The following PKD2L1 variants were observed in gnomAD, a reference collection of about 807,000 sequenced individuals.
PKD2L1 encodes polycystin-2-like protein 1.
In PKD2L1, 77 loss-of-function variants were observed where a neutral mutation model predicts 93.0. That is an observed-to-expected ratio of 0.83 (90% confidence interval 0.69 to 1.00). PKD2L1 has a LOEUF of 1.00. PKD2L1 is among the 50% of genes least tolerant of loss of function. The pLI, the probability that PKD2L1 is intolerant of heterozygous loss-of-function variation, is 0.00. For missense variants in PKD2L1, 977 were observed against 990.9 expected (o/e 0.99, Z 0.19); for synonymous variants, 390 against 388.0 (o/e 1.01, Z -0.06).
chr10:100,296,093 G>A (rs773231114), intron 7 of PKD2L1, 29 bp downstream of exon 7: 1 of 1,576,636 alleles, frequency 6.3e-7, no homozygotes, highest in East Asian at 2.3e-5. Flanking sequence ...GCGCCTTGAA[G>A]CAAAGCTGGG....
chr10:100,305,043 A>G (rs982030537), intron 2 of PKD2L1, among the ~76,000 whole-genome samples: 1 of 152,174 alleles, frequency 6.6e-6, no homozygotes, highest in African/African-American at 2.4e-5. Context: ...CAACAGTGGA[A>G]AAATGAAAAA....
rs71013443 is a variant in PKD2L1 at position 100,321,904 on chromosome 10, C to CAAGGAAGGAAGGAAGGAAGG, written c.349+7287_349+7306dup. Among the ~76,000 whole-genome samples the CAAGGAAGGAAGGAAGGAAGG allele has an allele frequency of 8.4e-4, 8 of 9,480 alleles. 3 individuals are homozygous for CAAGGAAGGAAGGAAGGAAGG. The highest frequency in any genetic ancestry group is 2.5e-3 in the African/African-American group (5 of 1,982). 6.2% of individuals were successfully genotyped at this position (9,480 alleles called of 152,430 possible). A position where few individuals can be genotyped will look rare whatever the true frequency, so the allele number is the denominator to read the frequency against. ...GGAGGGAGGGAGGGAGGGAAGGAAG[C>CAAGGAAGGAAGGAAGGAAGG]AAGGAAGGAAGGAAGGAAGGAAGGA... On this transcript the variant is annotated intron_variant, in intron 2 of 15. Coordinates refer to ENST00000318222, the MANE Select transcript of PKD2L1 (RefSeq NM_016112.3).
chr10:100,296,392 G>T, intron 6 of PKD2L1, 100 bp from the exon 7 acceptor site: 1 of 992,036 alleles, frequency 1.0e-6, no homozygotes, highest in Non-Finnish European at 1.4e-6. Context: ...GGTAAGACAG[G>T]TGGGAAAAAA....
chr10:100,312,736 G>A (rs1464857899), intron 2 of PKD2L1, among the ~76,000 whole-genome samples: 3 of 152,074 alleles, frequency 2.0e-5, no homozygotes, highest in Non-Finnish European at 4.4e-5. Context: ...TATGGCTTTA[G>A]CTGATGGCTT....
intron 14 of PKD2L1, among the ~76,000 whole-genome samples, chr10:100,289,750 GT>G (rs967830311): frequency 2.0e-5 from 3 of 152,022 alleles, no homozygotes; most frequent in Admixed American, 2.0e-4. Flanking sequence ...AAGCCACCCA[GT>G]CTATGATAAT....
chr10:100,329,570 T>C (rs143128599), intron 1 of PKD2L1, among the ~76,000 whole-genome samples: 162 of 152,302 alleles, frequency 1.1e-3, no homozygotes, highest in Non-Finnish European at 2.1e-3. Flanking sequence ...GAGGCACCTG[T>C]TCCAGGTGGG....
intron 12 of PKD2L1, 152 bp downstream of exon 12, chr10:100,291,149 C>T: frequency 2.6e-6 from 2 of 778,626 alleles, no homozygotes; most frequent in Non-Finnish European, 4.1e-6. Flanking sequence ...CCAGGGTATT[C>T]TAATGTGCAG....
chr10:100,329,366 T>G, intron 1 of PKD2L1, 42 bp from the exon 2 acceptor site: 1 of 1,613,692 alleles, frequency 6.2e-7, no homozygotes, highest in South Asian at 1.1e-5. Flanking sequence ...TCAGTGGCAG[T>G]GTTCCTCCCA....
At chr10:100,303,773 G>T (rs1848739133) in intron 2 of PKD2L1, among the ~76,000 whole-genome samples, 1 of 152,124 alleles carries the variant, frequency 6.6e-6, no homozygotes, top group Non-Finnish European at 1.5e-5. Context: ...AATTTTTCTG[G>T]ATGTGAAAAT....
intron 2 of PKD2L1, among the ~76,000 whole-genome samples, chr10:100,309,888 G>A (rs1020480092): frequency 1.3e-5 from 2 of 152,084 alleles, no homozygotes; most frequent in Non-Finnish European, 2.9e-5. Context: ...CCTGAACCCT[G>A]CAATAAATCC....
At chr10:100,306,078 G>A (rs1350660450) in intron 2 of PKD2L1, among the ~76,000 whole-genome samples, 1 of 151,958 alleles carries the variant, frequency 6.6e-6, no homozygotes, top group Non-Finnish European at 1.5e-5. Flanking sequence ...CCAGCTACTC[G>A]GTGAGAGATG....
intron 7 of PKD2L1, 150 bp from the exon 8 acceptor site, chr10:100,295,273 T>G (rs1023045649): frequency 1.5e-6 from 1 of 651,306 alleles, no homozygotes; most frequent in South Asian, 1.9e-5. Flanking sequence ...GATACAAAAA[T>G]TAGCTGGGCA....
At position 100,290,088 on chromosome 10, in the gene PKD2L1, G is replaced by A. The variant is rs1848372176; in HGVS notation, c.2177C>T (p.Ser726Phe). The change falls in exon 14 of 16, where the codon TCC (serine) becomes TTC (phenylalanine). Residue 726 changes from serine to phenylalanine, a missense_variant. Coordinates refer to ENST00000318222, the MANE Select transcript of PKD2L1 (RefSeq NM_016112.3). ...CTTTGAGCCTACAGCATCAATCTGG[G>A]ACACTACTCCTTCCAGGACAGTCTC... Reference protein sequence around the residue: ...QLETVLEGVVSQIDAVGSKLK... With the variant: ...QLETVLEGVVFQIDAVGSKLK... 6.2e-7 allele frequency: 1 copy of A among 1,614,050 alleles called. No individual in the cohort carries two copies.
At position 100,294,599 on chromosome 10, in the gene PKD2L1, G is replaced by A; in HGVS notation, c.1595C>T (p.Ala532Val). 1 of 1,613,938 alleles carries A rather than the reference G, an allele frequency of 6.2e-7. No individual in the cohort carries two copies. Among genetic ancestry groups the A allele is most frequent in the Non-Finnish European group, 8.5e-7 (1 of 1,179,874 alleles). The change falls in exon 9 of 16, where the codon GCC becomes GTC. Residue 532 changes from alanine to valine, a missense_variant. By Grantham distance (64) the Ala-to-Val change is moderately conservative. Transcript: ENST00000318222. ...GDFDYNAIDN[A>V]NRILGPAYFV... ...GTAGGCAGGGCCCAGGATGCGGTTG[G>A]CATTGTCGATAGCATTGTAGTCAAA...
rs770345869 is a variant in PKD2L1 at position 100,311,891 on chromosome 10, G to C, written c.350-12173C>G. 5.9e-5 allele frequency among the ~76,000 whole-genome samples: 9 copies of C among 152,284 alleles called. No individual in the cohort carries two copies. The East Asian group carries it at 1.4e-3, about 23-fold the overall frequency. On this transcript the variant is annotated intron_variant, in intron 2 of 15. Transcript: ENST00000318222. ...TTTTTTTGACACTCAAAAGTCAACT[G>C]TTCCTTCCTAACCTGGATAGCTCTG...
Position 100,290,036 on chromosome 10 carries a change from C to T in PKD2L1, c.2229G>A (p.Trp743Ter), listed in dbSNP as rs1389227953. 6.2e-7 allele frequency: 1 copy of T among 1,614,156 alleles called. No individual in the cohort carries two copies. Among genetic ancestry groups the T allele is most frequent in the African/African-American group, 1.3e-5 (1 of 75,034 alleles). The stretch of plus-strand genomic sequence containing the variant: ...TCACCACGCCTGGGGAGGGAGCCAG[C>T]CACCCCTTCCTCTCCAGCATTTTCA... ...SKLKMLERKG[W>*]LAPSPGVKEQ... The change falls in exon 14 of 16, where the codon TGG (tryptophan) becomes TGA (stop). Residue 743 changes from tryptophan to a stop codon, truncating the protein, a stop_gained. Transcript: ENST00000318222. LOFTEE classifies it high-confidence loss of function.
In PKD2L1 at chr10:100,328,053, T is replaced by C. The variant is rs1320774038; in HGVS notation, c.349+1158A>G. ...GTATTGCGGAGCCTAGAACACCTAC[T>C]AATGAGGGCATCTTAGTTGTACGAT... On this transcript the variant is annotated intron_variant, in intron 2 of 15. Transcript: ENST00000318222. Among the ~76,000 whole-genome samples the C allele has an allele frequency of 2.0e-5, 3 of 152,198 alleles. No homozygotes were observed. The South Asian group carries it at 6.2e-4, about 32-fold the overall frequency.
chr10:100,318,851 C>CT (rs1235162350), intron 2 of PKD2L1, among the ~76,000 whole-genome samples: 274 of 125,230 alleles, frequency 2.2e-3, no homozygotes, highest in East Asian at 7.1e-3. Flanking sequence ...CTCTCTCTAT[C>CT]TTTTTTTTTT....
chr10:100,330,146 T>G lies in PKD2L1; in HGVS notation c.-43A>C. 1 of 1,283,390 alleles carries G rather than the reference T, an allele frequency of 7.8e-7. No homozygotes were observed. Among genetic ancestry groups the G allele is most frequent in the Non-Finnish European group, 1.1e-6 (1 of 915,458 alleles). The allele number at this position is 1,283,390 out of a possible 1,614,324, so 79.5% of individuals were successfully genotyped here. Reference sequence around the variant, plus strand: ...GGCCCGGTACCCCAGGTGCCCACTCTCAGCTAGAGGAAGAGGGAGCAGAGG... The same window carrying G: ...GGCCCGGTACCCCAGGTGCCCACTCGCAGCTAGAGGAAGAGGGAGCAGAGG... On this transcript the variant is annotated 5_prime_UTR_variant, in exon 1 of 16. Transcript: ENST00000318222.
Sources: gnomAD v4.1 joint callset for allele counts (sites outside exome capture counted in the v4.1 genomes callset) on GRCh38, gnomAD v4.1.1 for gene constraint, MANE v1.5 for transcripts, NCBI Gene and HGNC (gene_info 2026-07-23, HGNC 2026-07-21) for gene names.